The following POLQ variants were observed in gnomAD, a reference collection of about 807,000 sequenced individuals.
The protein encoded by POLQ is epididymis secretory sperm binding protein.
A neutral mutation model predicts 259.2 loss-of-function variants in POLQ; 233 were observed. The observed-to-expected ratio is 0.90, with a 90% confidence interval of 0.81 to 1.00. POLQ has a LOEUF of 1.00. Among genes scored for constraint, POLQ ranks in the 50% least tolerant of loss-of-function variants. The probability of loss-of-function intolerance (pLI) is 0.00; values close to 1 mark genes in which losing one functional copy is unlikely to be tolerated. For synonymous variants in POLQ, 1,025 were observed against 1,048.8 expected, an observed-to-expected ratio of 0.98 and a Z score of 0.44; for missense variants, 2,871 against 3,051.6, an observed-to-expected ratio of 0.94 and a Z score of 1.39.
chr3:121,513,710 A>G (rs973393395), intron 9 of POLQ, among the ~76,000 whole-genome samples: 5 of 151,522 alleles, frequency 3.3e-5, no homozygotes, highest in African/African-American at 1.2e-4. Flanking sequence ...TTCTATCTGC[A>G]GACAAGAACA....
At chr3:121,456,183 C>A (rs532596527) in intron 25 of POLQ, among the ~76,000 whole-genome samples, 1 of 152,122 alleles carries the variant, frequency 6.6e-6, no homozygotes, top group East Asian at 1.9e-4. Flanking sequence ...AATTCAACAA[C>A]GCTTCATGCT....
chr3:121,489,130 T>G lies in POLQ; in HGVS notation c.3801A>C (p.Glu1267Asp). 1 of 1,613,944 alleles carries G rather than the reference T, an allele frequency of 6.2e-7. No individual in the cohort carries two copies. Among genetic ancestry groups the G allele is most frequent in the Non-Finnish European group, 8.5e-7 (1 of 1,179,874 alleles). The change falls in exon 16 of 30, where the codon GAA (glutamate) becomes GAC (aspartate). Residue 1267 changes from glutamate (E) to aspartate (D), a missense_variant. By Grantham distance (45) the Glu-to-Asp change is conservative. Transcript: ENST00000264233. ...DDISRTVIPS[E>D]VLPSAGAFSK... ...TAAATGCTCCAGCTGATGGAAGTAC[T>G]TCACTGGGTATCACAGTTCTGCTTA... is the stretch of plus-strand genomic sequence containing the variant.
At position 121,489,267 on chromosome 3, in the gene POLQ, C is replaced by T; in HGVS notation, c.3664G>A (p.Ala1222Thr). 1 of 1,613,546 alleles carries T rather than the reference C, an allele frequency of 6.2e-7. No individual in the cohort carries two copies. The highest frequency in any genetic ancestry group is 8.5e-7 in the Non-Finnish European group (1 of 1,179,720). The change falls in exon 16 of 30, where the codon GCA (alanine) becomes ACA (threonine). Residue 1222 changes from alanine (A) to threonine (T), a missense_variant. Transcript: ENST00000264233. Reference protein sequence around the residue: ...NIIERQMPCEAVSSYINRDSN... With the variant: ...NIIERQMPCETVSSYINRDSN... ...TCTCTATTTATGTAACTACTGACTGCTTCACAGGGCATTTGTCTCTCTATT... is the reference window on the plus strand; with the variant it reads ...TCTCTATTTATGTAACTACTGACTGTTTCACAGGGCATTTGTCTCTCTATT...
intron 7 of POLQ, among the ~76,000 whole-genome samples, chr3:121,528,373 C>T (rs1437633723): frequency 5.6e-5 from 8 of 143,768 alleles, no homozygotes; most frequent in East Asian, 4.1e-4. Flanking sequence ...GATGGAGTTT[C>T]GCTCTTGTTG....
chr3:121,544,053 G>A lies in POLQ; in HGVS notation c.343+674C>T, dbSNP rs1035272557. On this transcript the variant is annotated intron_variant, in intron 2 of 29. Transcript: ENST00000264233. ...ACTTGTTGTTTGTATATACAACCCT[G>A]TACAAACAGGTCAATCTATAGCTGG... Among the ~76,000 whole-genome samples, 29 of 151,728 alleles carry A rather than the reference G, an allele frequency of 1.9e-4. 1 individual carries two copies.
intron 9 of POLQ, among the ~76,000 whole-genome samples, chr3:121,519,236 T>TA (rs1208715775): frequency 6.6e-6 from 1 of 151,904 alleles, no homozygotes; most frequent in Non-Finnish European, 1.5e-5. Flanking sequence ...ACCTAGAAAT[T>TA]AAAAATCATC....
At chr3:121,464,453 T>TA (rs2047819271) in intron 24 of POLQ, among the ~76,000 whole-genome samples, 1 of 152,208 alleles carries the variant, frequency 6.6e-6, no homozygotes, top group Non-Finnish European at 1.5e-5. Flanking sequence ...ATAGTTTAAT[T>TA]ACAATCAACA....
intron 7 of POLQ, among the ~76,000 whole-genome samples, chr3:121,528,123 T>A (rs1176803988): frequency 6.6e-6 from 1 of 152,096 alleles, no homozygotes; most frequent in Non-Finnish European, 1.5e-5. Flanking sequence ...TTTTGATAAA[T>A]ATTTATTTAT....
intron 9 of POLQ, among the ~76,000 whole-genome samples, chr3:121,519,252 G>A (rs2048319438): frequency 6.6e-6 from 1 of 151,166 alleles, no homozygotes; most frequent in Admixed American, 6.6e-5. Flanking sequence ...TCATCTTCCA[G>A]CTAAGTAATA....
intron 14 of POLQ, chr3:121,494,121 AAAG>A: frequency 1.3e-6 from 1 of 745,802 alleles, no homozygotes; most frequent in African/African-American, 1.7e-5. Flanking sequence ...TGCCGAAAGG[AAAG>A]AAGGCCAAGG....
chr3:121,465,413 T>G (rs1421774270), intron 24 of POLQ, among the ~76,000 whole-genome samples: 2 of 152,216 alleles, frequency 1.3e-5, no homozygotes, highest in African/African-American at 4.8e-5. Flanking sequence ...TGAGTATGTT[T>G]GAAACAACTT....
chr3:121,533,736 G>A (rs908261717), intron 5 of POLQ, among the ~76,000 whole-genome samples: 15 of 151,984 alleles, frequency 9.9e-5, no homozygotes, highest in Admixed American at 2.6e-4. Flanking sequence ...GGCTGGTCTC[G>A]AACTCCCGAC....
chr3:121,492,595 T>G (rs995953645), intron 15 of POLQ, among the ~76,000 whole-genome samples: 3 of 151,968 alleles, frequency 2.0e-5, no homozygotes, highest in African/African-American at 7.3e-5. Flanking sequence ...AAATCAAAAT[T>G]TAGCAAAGCA....
At chr3:121,479,386 G>GTGTGTGTA (rs1191779894) in intron 19 of POLQ, among the ~76,000 whole-genome samples, 2 of 150,808 alleles carry the variant, frequency 1.3e-5, no homozygotes, top group Admixed American at 6.6e-5. Context: ...GTGTGTGTGT[G>GTGTGTGTA]TATACACATC....
At chr3:121,480,327 T>C (rs2047960607) in intron 19 of POLQ, among the ~76,000 whole-genome samples, 1 of 152,162 alleles carries the variant, frequency 6.6e-6, no homozygotes, top group South Asian at 2.1e-4. Flanking sequence ...AAATAAAACA[T>C]ATCTATATCT....
At chr3:121,449,196 A>G (rs1019601837) in intron 26 of POLQ, 119 bp downstream of exon 26, 6 of 612,728 alleles carry the variant, frequency 9.8e-6, no homozygotes, top group African/African-American at 9.3e-5. Context: ...TACCCTTAAC[A>G]ATGCCTGATG....
rs1282051910 is a variant in POLQ at position 121,545,756 on chromosome 3, G to A, written c.122C>T (p.Pro41Leu). The change falls in exon 1 of 30, where the codon CCG (proline) becomes CTG (leucine). Residue 41 changes from proline to leucine, a missense_variant. Around this residue, in one of 3 missense-constraint regions of POLQ, gnomAD observed 783 missense variants for 906.2 expected, o/e 0.86. Coordinates refer to ENST00000264233, the MANE Select transcript of POLQ (RefSeq NM_199420.4). The part of the protein sequence containing the change: ...PQFLSGSVLS[P>L]PPGLGRCLKA... ...CAGGCAGCGACCAAGGCCGGGCGGC[G>A]GGCTCAGCACGGACCCGGAGAGGAA... The A allele has an allele frequency of 5.0e-6, 8 of 1,598,940 alleles. No individual in the cohort carries two copies. Among genetic ancestry groups the A allele is most frequent in the Non-Finnish European group, 6.8e-6 (8 of 1,173,002 alleles).
At chr3:121,445,553 A>G (rs1323333430) in intron 26 of POLQ, among the ~76,000 whole-genome samples, 1 of 151,992 alleles carries the variant, frequency 6.6e-6, no homozygotes, top group African/African-American at 2.4e-5. Flanking sequence ...TGTCAATTTT[A>G]TCTTTTCAAA....
In POLQ at chr3:121,529,686, A is replaced by C; in HGVS notation, c.1067T>G (p.Ile356Ser). Residue 356 changes from isoleucine (I) to serine (S), a missense_variant, in exon 7 of 30, where the codon ATC (isoleucine) becomes AGC (serine). This residue lies in a region of POLQ where 783 missense variants were observed against 906.2 expected (regional missense o/e 0.86). Coordinates refer to ENST00000264233, the MANE Select transcript of POLQ (RefSeq NM_199420.4). ...SKKWCEKLAD[I>S]IAREFYNLHH... ...TAGATTATAAAACTCTCGAGCAATGATATCTGCCAGCTTCTCACACCATTT... is the reference window on the plus strand; with the variant it reads ...TAGATTATAAAACTCTCGAGCAATGCTATCTGCCAGCTTCTCACACCATTT... 6.2e-7 allele frequency: 1 copy of C among 1,613,638 alleles called. No homozygotes were observed. Among genetic ancestry groups the C allele is most frequent in the Non-Finnish European group, 8.5e-7 (1 of 1,179,738 alleles).
Sources: gnomAD v4.1 joint callset for allele counts (sites outside exome capture counted in the v4.1 genomes callset) on GRCh38, gnomAD v4.1.1 for gene constraint, gnomAD v4.1.1 regional missense constraint, MANE v1.5 for transcripts, NCBI Gene and HGNC (gene_info 2026-07-23, HGNC 2026-07-21) for gene names.